The following CMIP variants were observed in gnomAD, a reference collection of about 807,000 sequenced individuals.
The protein encoded by CMIP is C-Maf-inducing protein.
CMIP carries 13 observed loss-of-function variants against 97.3 expected under a neutral mutation model. The observed-to-expected ratio is 0.13, with a 90% CI of 0.09 to 0.21. The LOEUF is 0.21. Among genes scored for constraint, CMIP ranks in the 10% least tolerant of loss-of-function variants. CMIP has a pLI of 1.00. For synonymous variants in CMIP, 538 were observed against 436.3 expected, an observed-to-expected ratio of 1.23 and a Z score of -2.91; for missense variants, 847 against 1,024.9, an observed-to-expected ratio of 0.83 and a Z score of 2.37.
At chr16:81,513,647 A>T (rs2089855606) in intron 1 of CMIP, among the ~76,000 whole-genome samples, 1 of 152,086 alleles carries the variant, frequency 6.6e-6, no homozygotes, top group Admixed American at 6.5e-5. Context: ...TGCTGTGCAG[A>T]CCCGTGGGTC....
At chr16:81,563,920 C>G (rs1292447333) in intron 1 of CMIP, among the ~76,000 whole-genome samples, 1 of 152,242 alleles carries the variant, frequency 6.6e-6, no homozygotes, top group Admixed American at 6.5e-5. Context: ...ATGCTGCAGC[C>G]TAGCTGTCTC....
At chr16:81,583,647 G>A (rs1168848767) in intron 1 of CMIP, among the ~76,000 whole-genome samples, 1 of 152,104 alleles carries the variant, frequency 6.6e-6, no homozygotes, top group African/African-American at 2.4e-5. Context: ...CCCCAACCGA[G>A]GCTTATTGGG....
At chr16:81,609,616 C>T (rs1435406952) in intron 2 of CMIP, among the ~76,000 whole-genome samples, 1 of 152,168 alleles carries the variant, frequency 6.6e-6, no homozygotes, top group Non-Finnish European at 1.5e-5. Context: ...GACTGGGAGC[C>T]CAGAGAAGGA....
At chr16:81,673,755 C>A (rs1170308766) in intron 9 of CMIP, among the ~76,000 whole-genome samples, 1 of 152,154 alleles carries the variant, frequency 6.6e-6, no homozygotes, top group Non-Finnish European at 1.5e-5. Flanking sequence ...TTATGGGGAA[C>A]TTTCTGCAGT....
chr16:81,532,605 C>G (rs564353941), intron 1 of CMIP, among the ~76,000 whole-genome samples: 2 of 152,336 alleles, frequency 1.3e-5, no homozygotes, highest in East Asian at 3.9e-4. Flanking sequence ...GAACCTTTCC[C>G]AGGTCCCGAG....
At chr16:81,535,715 TGAGTGTTCA>T (rs1456308596) in intron 1 of CMIP, among the ~76,000 whole-genome samples, 1 of 152,190 alleles carries the variant, frequency 6.6e-6, no homozygotes, top group Non-Finnish European at 1.5e-5. Context: ...CAGTTGCCCT[TGAGTGTTCA>T]GACACTCGTT....
chr16:81,496,649 G>C (rs2089496249), intron 1 of CMIP, among the ~76,000 whole-genome samples: 1 of 152,226 alleles, frequency 6.6e-6, no homozygotes, highest in Non-Finnish European at 1.5e-5. Context: ...CCAGGGATTT[G>C]GTATCACAGC....
rs1011214732 is a variant in CMIP at position 81,445,152 on chromosome 16, G to A, written c.-90G>A. ...CCCCACCTTCCCGGGGGGTGGGGGGGTGCGGGCCGCCGGATCCGGGGGCCC... is the reference window on the plus strand; with the variant it reads ...CCCCACCTTCCCGGGGGGTGGGGGGATGCGGGCCGCCGGATCCGGGGGCCC... On this transcript the variant is annotated 5_prime_UTR_variant, in exon 1 of 21. In the 5' UTR this introduces an upstream ATG that the reference lacks. Transcript: ENST00000537098. The A allele has an allele frequency of 1.4e-6, 1 of 735,262 alleles. No homozygotes were observed. Among genetic ancestry groups the A allele is most frequent in the African/African-American group, 1.9e-5 (1 of 52,262 alleles). 45.5% of individuals were successfully genotyped at this position (735,262 alleles called of 1,614,324 possible). A position where few individuals can be genotyped will look rare whatever the true frequency, so the allele number is the denominator to read the frequency against.
intron 1 of CMIP, among the ~76,000 whole-genome samples, chr16:81,447,637 T>G (rs1248983946): frequency 1.3e-5 from 2 of 152,200 alleles, no homozygotes; most frequent in East Asian, 1.9e-4. Flanking sequence ...AGAGCCATGC[T>G]CTGGTGTTAG....
chr16:81,529,996 G>T (rs527515287), intron 1 of CMIP, among the ~76,000 whole-genome samples: 2 of 152,212 alleles, frequency 1.3e-5, no homozygotes, highest in Non-Finnish European at 2.9e-5. Flanking sequence ...ACCTTTGTAC[G>T]AGGGTCCGCA....
At chr16:81,599,580 A>G (rs1402426968) in intron 1 of CMIP, among the ~76,000 whole-genome samples, 2 of 152,182 alleles carry the variant, frequency 1.3e-5, no homozygotes, top group South Asian at 2.1e-4. Context: ...CTCCTTTCTC[A>G]TAATATGTAC....
At chr16:81,605,600 G>T (rs2150939285) in intron 1 of CMIP, among the ~76,000 whole-genome samples, 1 of 152,278 alleles carries the variant, frequency 6.6e-6, no homozygotes, top group Non-Finnish European at 1.5e-5. Context: ...CGCTTACCCA[G>T]CCCTCCCTCC....
rs925636069 is a variant in CMIP, at chr16:81,614,637, C to T, written c.427-6239C>T. Among the ~76,000 whole-genome samples the T allele has an allele frequency of 5.3e-5, 8 of 151,864 alleles. No homozygotes were observed. The highest frequency in any genetic ancestry group is 8.8e-5 in the Non-Finnish European group (6 of 67,982). On this transcript the variant is annotated intron_variant, in intron 2 of 20. Transcript: ENST00000537098. This position sits in a 1 kb window ranked among gnomAD's most constrained non-coding sequence, Gnocchi z 5.3. Reference sequence around the variant, plus strand: ...TTCCAAAACTACCTGCACAGTCCTGCGTGTGGGACTGTGGTGTGTGTGTAT... The same window carrying T: ...TTCCAAAACTACCTGCACAGTCCTGTGTGTGGGACTGTGGTGTGTGTGTAT...
intron 10 of CMIP, among the ~76,000 whole-genome samples, chr16:81,690,240 T>C (rs1041206920): frequency 2.6e-5 from 4 of 152,220 alleles, no homozygotes; most frequent in African/African-American, 9.6e-5. Flanking sequence ...ATAAATTACC[T>C]TGGGCAGTAT....
intron 14 of CMIP, chr16:81,698,005 G>GCCCCCA (rs1906951567): frequency 1.7e-5 from 1 of 59,070 alleles, no homozygotes; most frequent in African/African-American, 6.5e-5. Context: ...CCCCGCCCCC[G>GCCCCCA]CCCCCACCCT....
chr16:81,503,304 AAG>A (rs1344115444), intron 1 of CMIP, among the ~76,000 whole-genome samples: 1 of 152,016 alleles, frequency 6.6e-6, no homozygotes, highest in Non-Finnish European at 1.5e-5. Flanking sequence ...CTTGATGGTG[AAG>A]AGTTTCCCCC....
chr16:81,628,463 G>C (rs954638235), intron 3 of CMIP, among the ~76,000 whole-genome samples: 1 of 152,148 alleles, frequency 6.6e-6, no homozygotes, highest in Non-Finnish European at 1.5e-5. Context: ...TACTCACCTT[G>C]GTGAATCCTT....
At chr16:81,571,211 C>T (rs1318163018) in intron 1 of CMIP, among the ~76,000 whole-genome samples, 3 of 152,118 alleles carry the variant, frequency 2.0e-5, no homozygotes, top group African/African-American at 7.2e-5. Flanking sequence ...TGACTCATGC[C>T]TACAATCCCA....
At chr16:81,706,056 G>A (rs1271155327) in intron 19 of CMIP, among the ~76,000 whole-genome samples, 12 of 152,212 alleles carry the variant, frequency 7.9e-5, no homozygotes, top group African/African-American at 2.4e-4. Flanking sequence ...TCCCGTGCCC[G>A]TTGACATTTG....
Sources: gnomAD v4.1 joint callset for allele counts (sites outside exome capture counted in the v4.1 genomes callset) on GRCh38, gnomAD v4.1.1 for gene constraint, Gnocchi (gnomAD v3.1) non-coding constraint, MANE v1.5 for transcripts, NCBI Gene and HGNC (gene_info 2026-07-23, HGNC 2026-07-21) for gene names.